DOCK2: variants seen among roughly 807,000 people sequenced by gnomAD.
DOCK2 encodes the protein dedicator of cytokinesis protein 2.
In DOCK2, 87 loss-of-function variants were observed where a neutral mutation model predicts 248.9. The observed-to-expected ratio is 0.35, with a 90% CI of 0.29 to 0.42. The LOEUF is 0.42. DOCK2 is among the 10% of genes least tolerant of loss of function. The pLI is 1.00. For missense variants in DOCK2, 1,747 were observed against 2,300.2 expected (o/e 0.76, Z 4.92); for synonymous variants, 805 against 821.6 (o/e 0.98, Z 0.35).
chr5:169,654,589 T>C lies in DOCK2; in HGVS notation c.127+103T>C, dbSNP rs1407819167. The C allele has an allele frequency of 1.5e-5, 18 of 1,210,060 alleles. No individual in the cohort carries two copies. In the East Asian group the frequency reaches 4.2e-4, roughly 28 times the overall value. 75.0% of individuals were successfully genotyped at this position (1,210,060 alleles called of 1,614,324 possible). A position where few individuals can be genotyped will look rare whatever the true frequency, so the allele number is the denominator to read the frequency against. On this transcript the variant is annotated intron_variant, in intron 2 of 51. Transcript: ENST00000520908. ...TGTCTCTGAACCTGCAACTGTGTGG[T>C]CTATTTAAAAACGTTTTGGTAACGC...
intron 27 of DOCK2, among the ~76,000 whole-genome samples, chr5:169,894,347 G>A (rs986760310): frequency 3.9e-5 from 6 of 152,108 alleles, no homozygotes; most frequent in African/African-American, 1.4e-4. Context: ...GCCTTGGGTG[G>A]GGGCTGGCAG....
At chr5:169,724,611 T>C (rs974947614) in intron 22 of DOCK2, among the ~76,000 whole-genome samples, 37 of 152,138 alleles carry the variant, frequency 2.4e-4, no homozygotes, top group African/African-American at 8.2e-4. Context: ...CAAGGGCATC[T>C]CAGGAGCATG....
chr5:169,725,122 C>T (rs565624062), intron 22 of DOCK2, among the ~76,000 whole-genome samples: 47 of 152,274 alleles, frequency 3.1e-4, no homozygotes, highest in Non-Finnish European at 5.1e-4. Flanking sequence ...GTTTCTTCTG[C>T]GTGTAATTTG....
intron 27 of DOCK2, chr5:169,881,251 A>G (rs1772629313): frequency 1.0e-5 from 8 of 786,422 alleles, no homozygotes; most frequent in Non-Finnish European, 1.7e-5. Context: ...AACATTTCAT[A>G]GTTAAATACC....
At chr5:169,806,436 G>A (rs1020702438) in intron 26 of DOCK2, among the ~76,000 whole-genome samples, 4 of 151,902 alleles carry the variant, frequency 2.6e-5, no homozygotes, top group Non-Finnish European at 5.9e-5. Flanking sequence ...AGCCACCCGG[G>A]GAGCTTTTTA....
chr5:169,867,912 T>G (rs1261686119), intron 27 of DOCK2, among the ~76,000 whole-genome samples: 1 of 152,190 alleles, frequency 6.6e-6, no homozygotes, highest in Non-Finnish European at 1.5e-5. Flanking sequence ...CATGGTGAGT[T>G]GCAAGCTCTG....
rs559854016 is a variant in DOCK2 at position 169,887,259 on chromosome 5, G to A, written c.2799+46407G>A. ...CCTGCCTTTTCTCCAGGAAGTTTAT[G>A]TATCCTTTAGATGTTTTCTTTTGAT... On this transcript the variant is annotated intron_variant, in intron 27 of 51. Transcript: ENST00000520908. Among the ~76,000 whole-genome samples the A allele has an allele frequency of 7.9e-5, 12 of 152,250 alleles. No individual in the cohort carries two copies. The South Asian group carries it at 1.7e-3, about 21-fold the overall frequency.
At chr5:169,760,803 C>A (rs1320905008) in intron 24 of DOCK2, among the ~76,000 whole-genome samples, 1 of 152,164 alleles carries the variant, frequency 6.6e-6, no homozygotes, top group Non-Finnish European at 1.5e-5. Context: ...CCCATTATAT[C>A]CCCATTTCTC....
chr5:169,685,532 G>GT (rs1186393130), intron 8 of DOCK2, among the ~76,000 whole-genome samples: 2 of 152,298 alleles, frequency 1.3e-5, no homozygotes, highest in East Asian at 3.9e-4. Flanking sequence ...TAATTTTTAA[G>GT]TTTTTGTAGA....
chr5:169,844,008 T>G lies in DOCK2; in HGVS notation c.2799+3156T>G, dbSNP rs142635546. On this transcript the variant is annotated intron_variant, in intron 27 of 51. Transcript: ENST00000520908. ...TTTGACTATTATAAATAATACTGCT[T>G]TGAACATTCACAAACAAGTGTTGTA... is the stretch of plus-strand genomic sequence containing the variant. Among the ~76,000 whole-genome samples, 6 of 152,340 alleles carry G rather than the reference T, an allele frequency of 3.9e-5. No individual in the cohort carries two copies. The East Asian group carries it at 1.2e-3, about 29-fold the overall frequency.
At chr5:169,673,789 G>T (rs1214415752) in intron 5 of DOCK2, among the ~76,000 whole-genome samples, 2 of 152,182 alleles carry the variant, frequency 1.3e-5, no homozygotes, top group Non-Finnish European at 2.9e-5. Context: ...TTACACAGAA[G>T]GATGGAAATG....
intron 23 of DOCK2, among the ~76,000 whole-genome samples, chr5:169,753,735 G>C (rs1336114489): frequency 6.6e-6 from 1 of 152,090 alleles, no homozygotes; most frequent in African/African-American, 2.4e-5. Context: ...CACATATTCT[G>C]GAACCTGTTG....
rs549105223 is a variant in DOCK2 at position 170,002,887 on chromosome 5, T to C, written c.3073-5610T>C. Among the ~76,000 whole-genome samples, 31 of 152,324 alleles carry C rather than the reference T, an allele frequency of 2.0e-4. 1 individual carries two copies. In the South Asian group the frequency reaches 6.2e-3, roughly 31 times the overall value. Reference sequence around the variant, plus strand: ...TGTAGCTTCCCCTAGTCAGCTGAGCTAGGCACTTAGTAGAAATATCACCAG... The same window carrying C: ...TGTAGCTTCCCCTAGTCAGCTGAGCCAGGCACTTAGTAGAAATATCACCAG... On this transcript the variant is annotated intron_variant, in intron 30 of 51. Transcript: ENST00000520908.
In DOCK2 at chr5:170,056,775, A is replaced by ATCTTCC; in HGVS notation, c.4380+8_4380+13dup. ...CCCAGAGAATGAGTTTGCTGTGAGT[A>ATCTTCC]TCTTCCCTACCCTTGATCATTCCCT... On this transcript the variant is annotated splice_region_variant and intron_variant, in intron 43 of 51. Coordinates refer to ENST00000520908, the MANE Select transcript of DOCK2 (RefSeq NM_004946.3). 4 of 1,613,020 alleles carry ATCTTCC rather than the reference A, an allele frequency of 2.5e-6. No individual in the cohort carries two copies. The highest frequency in any genetic ancestry group is 3.4e-6 in the Non-Finnish European group (4 of 1,179,378).
intron 27 of DOCK2, among the ~76,000 whole-genome samples, chr5:169,959,789 A>C (rs1340957916): frequency 5.3e-5 from 8 of 152,202 alleles, no homozygotes; most frequent in Admixed American, 5.2e-4. Flanking sequence ...GAGATCTAGA[A>C]GTAGTTCTGT....
At chr5:170,066,439 T>G (rs1757498336) in intron 44 of DOCK2, among the ~76,000 whole-genome samples, 1 of 152,184 alleles carries the variant, frequency 6.6e-6, no homozygotes, top group South Asian at 2.1e-4. Context: ...GGAGACATAA[T>G]GTTAGTAGGG....
At chr5:169,999,741 C>T (rs1252940827) in intron 30 of DOCK2, among the ~76,000 whole-genome samples, 4 of 152,208 alleles carry the variant, frequency 2.6e-5, no homozygotes, top group Non-Finnish European at 5.9e-5. Flanking sequence ...GATTTGTTCT[C>T]TGTACCCTGC....
chr5:169,853,349 A>G (rs2113379044), intron 27 of DOCK2, among the ~76,000 whole-genome samples: 1 of 152,352 alleles, frequency 6.6e-6, no homozygotes, highest in South Asian at 2.1e-4. Context: ...AGGCTTTCTC[A>G]CAAATCTCAG....
At position 169,835,271 on chromosome 5, in the gene DOCK2, T is replaced by TTTTTTTTTTTTTTTG. The variant is rs1769495839; in HGVS notation, c.2704-5478_2704-5477insTTTTTTGTTTTTTTT. On this transcript the variant is annotated intron_variant, in intron 26 of 51. Transcript: ENST00000520908. ...GAGTGAAATGCCTGGTTTTTTTTTT[T>TTTTTTTTTTTTTTTG]TTTTTTTTGAGACTGCTCTGTTGCC... Among the ~76,000 whole-genome samples, 2 of 150,394 alleles carry TTTTTTTTTTTTTTTG rather than the reference T, an allele frequency of 1.3e-5. 1 individual carries two copies.
Sources: gnomAD v4.1 joint callset for allele counts (sites outside exome capture counted in the v4.1 genomes callset) on GRCh38, gnomAD v4.1.1 for gene constraint, MANE v1.5 for transcripts, NCBI Gene and HGNC (gene_info 2026-07-23, HGNC 2026-07-21) for gene names.